Variants in POC1B observed in about 807,000 individuals in gnomAD.
POC1B encodes the protein POC1 centriolar protein homolog B.
Under a neutral mutation model 60.6 loss-of-function variants are expected in POC1B, and 44 were observed. That is an observed-to-expected ratio of 0.73 (90% CI 0.57 to 0.93). POC1B has a LOEUF of 0.93. Among genes scored for constraint, POC1B ranks in the 40% least tolerant of loss-of-function variants. The pLI is 0.00. For missense variants in POC1B, 555 were observed against 572.3 expected (o/e 0.97, Z 0.31); for synonymous variants, 180 against 198.9 (o/e 0.90, Z 0.80).
the POC1B span, among the ~76,000 whole-genome samples, chr12:89,404,000 C>T: frequency 4.6e-5 from 7 of 152,006 alleles, no homozygotes; most frequent in East Asian, 1.9e-4. Context: ...GGCGTGGTGG[C>T]GCATGCCTGT....
chr12:89,525,113 G>C lies in POC1B; in HGVS notation c.100+7C>G, dbSNP rs376143998. On this transcript the variant is annotated splice_region_variant and intron_variant, in intron 2 of 11. Transcript: ENST00000313546. ...CATTACAAAAGCAAAACAAGAATAA[G>C]ACTTACCAAGTTGCTTGCCGTTGGG... 30 of 1,613,914 alleles carry C rather than the reference G, an allele frequency of 1.9e-5. No individual in the cohort carries two copies. In the African/African-American group the frequency reaches 3.6e-4, roughly 19 times the overall value.
chr12:89,452,009 T>C (rs551101449), intron 10 of POC1B, among the ~76,000 whole-genome samples: 1 of 152,288 alleles, frequency 6.6e-6, no homozygotes, highest in South Asian at 2.1e-4. Context: ...GGAGCTACGG[T>C]AGTAATTTCC....
At position 89,447,874 on chromosome 12, in the gene POC1B, T is replaced by C. The variant is rs76200741; in HGVS notation, c.1113+11764A>G. Reference sequence around the variant, plus strand: ...GACAAGGTGTTAATACTGTAACACATACAGCTCTATGATATAATCAGTCCA... The same window carrying C: ...GACAAGGTGTTAATACTGTAACACACACAGCTCTATGATATAATCAGTCCA... On this transcript the variant is annotated intron_variant, in intron 10 of 11. Coordinates refer to ENST00000313546, the MANE Select transcript of POC1B (RefSeq NM_172240.3). 6.8e-3 allele frequency among the ~76,000 whole-genome samples: 1,028 copies of C among 152,130 alleles called. 12 individuals carry two copies. Among genetic ancestry groups the C allele is most frequent in the African/African-American group, 0.024 (992 of 41,498 alleles).
chr12:89,461,687 G>A (rs934824561), intron 9 of POC1B: 20 of 152,152 alleles, frequency 1.3e-4, no homozygotes, highest in African/African-American at 4.8e-4. Context: ...TCCAGCCAGT[G>A]TGTTAAAGGG....
chr12:89,404,624 C>G, the POC1B span, among the ~76,000 whole-genome samples: 1 of 152,152 alleles, frequency 6.6e-6, no homozygotes, highest in Admixed American at 6.5e-5. Flanking sequence ...TGCACTAGAT[C>G]TCAGCTCTAG....
chr12:89,474,436 C>A (rs1188348122), intron 4 of POC1B, among the ~76,000 whole-genome samples: 1 of 152,152 alleles, frequency 6.6e-6, no homozygotes, highest in Non-Finnish European at 1.5e-5. Context: ...CCTATGACAT[C>A]AACCAAATAC....
chr12:89,470,173 C>T (rs1305500266), intron 7 of POC1B, among the ~76,000 whole-genome samples, 188 bp downstream of exon 7: 1 of 152,038 alleles, frequency 6.6e-6, no homozygotes, highest in Non-Finnish European at 1.5e-5. Flanking sequence ...CGCCCAGCCA[C>T]AAATAATATT....
intron 2 of POC1B, among the ~76,000 whole-genome samples, chr12:89,514,079 C>T (rs1870318918): frequency 6.6e-6 from 1 of 152,162 alleles, no homozygotes; most frequent in Non-Finnish European, 1.5e-5. Flanking sequence ...TATGACCCCA[C>T]CCAAATCTCA....
Position 89,459,640 on chromosome 12 carries a change from T to C in POC1B, c.1111A>G (p.Thr371Ala). The C allele has an allele frequency of 7.1e-7, 1 of 1,403,836 alleles. No individual in the cohort carries two copies. Among genetic ancestry groups the C allele is most frequent in the South Asian group, 1.4e-5 (1 of 69,082 alleles). 87.0% of individuals were successfully genotyped at this position (1,403,836 alleles called of 1,614,324 possible). A position where few individuals can be genotyped will look rare whatever the true frequency, so the allele number is the denominator to read the frequency against. ...AAAAAAAAAAAAACCCGACTTACTG[T>C]GGTAGAATCAAAAGAAAGGATATCC... ...VMDILSFDST[T>A]TTETSGRTLP... Residue 371 changes from threonine (T) to alanine (A), a missense_variant and splice_region_variant, in exon 10 of 12, where the codon ACA (threonine) becomes GCA (alanine). Physicochemically the swap from Thr to Ala is moderately conservative, Grantham distance 58. Coordinates refer to ENST00000313546, the MANE Select transcript of POC1B (RefSeq NM_172240.3).
intron 2 of POC1B, among the ~76,000 whole-genome samples, chr12:89,512,891 A>C (rs1870254857): frequency 6.6e-6 from 1 of 152,224 alleles, no homozygotes; most frequent in South Asian, 2.1e-4. Context: ...TTTTTAACCC[A>C]GTTTTATAAG....
At chr12:89,410,211 G>A in the POC1B span, among the ~76,000 whole-genome samples, 4 of 152,116 alleles carry the variant, frequency 2.6e-5, no homozygotes. Flanking sequence ...AAACCACATG[G>A]TTATCTCAAT....
Position 89,525,916 on chromosome 12 carries a change from GGC to G in POC1B, c.-23_-22del. 6.6e-7 allele frequency: 1 copy of G among 1,516,044 alleles called. No individual in the cohort carries two copies. The highest frequency in any genetic ancestry group is 8.9e-7 in the Non-Finnish European group (1 of 1,127,992). 93.9% of individuals were successfully genotyped at this position (1,516,044 alleles called of 1,614,324 possible). On this transcript the variant is annotated 5_prime_UTR_variant, in exon 1 of 12. Coordinates refer to ENST00000313546, the MANE Select transcript of POC1B (RefSeq NM_172240.3). Reference sequence around the variant, plus strand: ...GCCATCGGGGGAGTGGTCGGCCCAAGGCTCCTGTGGGTGGGGGAACCCGGAGA... The same window carrying G: ...GCCATCGGGGGAGTGGTCGGCCCAAGTCCTGTGGGTGGGGGAACCCGGAGA...
At chr12:89,522,524 A>C in intron 2 of POC1B, 1 of 350,848 alleles carries the variant, frequency 2.9e-6, no homozygotes, top group Non-Finnish European at 5.1e-6. Flanking sequence ...TGGCACTTAA[A>C]TGTTTTGTGT....
At chr12:89,525,705 C>T (rs1247434838) in intron 1 of POC1B, 176 bp downstream of exon 1, 1 of 1,258,206 alleles carries the variant, frequency 7.9e-7, no homozygotes, top group Non-Finnish European at 1.0e-6. Flanking sequence ...TTCCGCACTC[C>T]GTCCGCCCCG....
intron 2 of POC1B, among the ~76,000 whole-genome samples, chr12:89,509,839 T>C (rs566156709): frequency 5.0e-4 from 76 of 151,908 alleles, no homozygotes; most frequent in African/African-American, 1.7e-3. Context: ...CTAACTAGAG[T>C]TCAGGATTCA....
intron 10 of POC1B, among the ~76,000 whole-genome samples, chr12:89,432,004 T>C (rs78275643): frequency 1.3e-5 from 2 of 152,318 alleles, no homozygotes; most frequent in African/African-American, 4.8e-5. Context: ...TCTTCTCTAA[T>C]TCTCATGAAT....
chr12:89,403,780 C>G, the POC1B span, among the ~76,000 whole-genome samples: 3 of 152,158 alleles, frequency 2.0e-5, no homozygotes, highest in Non-Finnish European at 4.4e-5. Flanking sequence ...TCAGATAGTA[C>G]TCATTGTTTG....
chr12:89,517,570 T>C (rs1162771365), intron 2 of POC1B, among the ~76,000 whole-genome samples: 1 of 151,844 alleles, frequency 6.6e-6, no homozygotes, highest in East Asian at 1.9e-4. Context: ...GAGATGGAGG[T>C]TGCAGTGAGC....
chr12:89,424,422 T>A (rs927514142), intron 11 of POC1B, among the ~76,000 whole-genome samples: 1 of 152,216 alleles, frequency 6.6e-6, no homozygotes, highest in African/African-American at 2.4e-5. Flanking sequence ...TTGAAATATT[T>A]TTCTGGACAA....
Sources: allele counts gnomAD v4.1 joint callset (sites outside exome capture counted in the v4.1 genomes callset), GRCh38; gene constraint gnomAD v4.1.1; transcripts MANE v1.5; gene names NCBI Gene and HGNC (gene_info 2026-07-23, HGNC 2026-07-21).